NRXN3: variants seen among roughly 807,000 people sequenced by gnomAD.
NRXN3 encodes the protein neurexin III.
A neutral mutation model predicts 137.6 loss-of-function variants in NRXN3; 32 were observed. The ratio of observed to expected loss-of-function variants is 0.23; its 90% confidence interval spans 0.18 to 0.31. NRXN3 has a LOEUF of 0.31. Ranked by LOEUF, NRXN3 falls within the 10% of genes least tolerant of loss-of-function variation. The probability of loss-of-function intolerance (pLI) is 1.00; values close to 1 mark genes in which losing one functional copy is unlikely to be tolerated. For synonymous variants in NRXN3, 798 were observed against 784.5 expected (o/e 1.02, Z -0.29); for missense variants, 1,574 against 2,062.5 (o/e 0.76, Z 4.59).
intron 10 of NRXN3, among the ~76,000 whole-genome samples, chr14:78,814,475 T>TGTG: frequency 6.6e-6 from 1 of 151,818 alleles, no homozygotes; most frequent in Non-Finnish European, 1.5e-5. Context: ...ATTAGCCGGG[T>TGTG]GTGGTGGTGT....
intron 10 of NRXN3, among the ~76,000 whole-genome samples, chr14:78,845,068 A>C (rs899003146): frequency 6.6e-6 from 1 of 152,072 alleles, no homozygotes; most frequent in Non-Finnish European, 1.5e-5. Context: ...GCCTGAAAAA[A>C]AAACTGTTGC....
At chr14:78,800,304 T>C (rs927952172) in intron 8 of NRXN3, among the ~76,000 whole-genome samples, 19 of 152,204 alleles carry the variant, frequency 1.2e-4, no homozygotes, top group Non-Finnish European at 2.6e-4. Context: ...GATAATAAAG[T>C]CTTCATGGTG....
intron 1 of NRXN3, among the ~76,000 whole-genome samples, chr14:78,208,318 C>G (rs968011909): frequency 4.6e-5 from 7 of 152,186 alleles, no homozygotes; most frequent in Admixed American, 2.6e-4. Flanking sequence ...TCTCCAAGCT[C>G]AAGTTCTCTA....
chr14:78,718,245 C>T (rs2098443360), intron 8 of NRXN3, among the ~76,000 whole-genome samples: 1 of 152,120 alleles, frequency 6.6e-6, no homozygotes, highest in South Asian at 2.1e-4. Flanking sequence ...GGCTGTGTGT[C>T]CCAGTAGCTC....
intron 6 of NRXN3, among the ~76,000 whole-genome samples, chr14:78,696,678 G>A (rs2098229347): frequency 1.3e-5 from 2 of 152,002 alleles, no homozygotes; most frequent in African/African-American, 4.8e-5. Context: ...AGGTCACCTT[G>A]GAAAGTTCTG....
At chr14:79,742,869 T>C (rs2098967464) in intron 19 of NRXN3, among the ~76,000 whole-genome samples, 1 of 152,224 alleles carries the variant, frequency 6.6e-6, no homozygotes, top group African/African-American at 2.4e-5. Flanking sequence ...ATTCCCAATA[T>C]GTAAATGCCC....
chr14:79,739,164 C>T (rs983830941), intron 19 of NRXN3, among the ~76,000 whole-genome samples: 9 of 152,108 alleles, frequency 5.9e-5, no homozygotes, highest in African/African-American at 1.9e-4. Context: ...GAAATGAAGG[C>T]ACGTGGGTGT....
At chr14:78,661,125 T>C (rs2097837601) in intron 6 of NRXN3, among the ~76,000 whole-genome samples, 1 of 152,208 alleles carries the variant, frequency 6.6e-6, no homozygotes, top group Admixed American at 6.5e-5. Context: ...AACAATGAAC[T>C]TATGAGTTGA....
At chr14:78,938,804 C>T (rs990382666) in intron 10 of NRXN3, among the ~76,000 whole-genome samples, 3 of 150,806 alleles carry the variant, frequency 2.0e-5, no homozygotes. Flanking sequence ...AGACCCACTC[C>T]CCAGCCATGT....
intron 4 of NRXN3, among the ~76,000 whole-genome samples, chr14:78,349,392 T>C (rs1190025449): frequency 1.3e-5 from 2 of 152,328 alleles, no homozygotes; most frequent in East Asian, 3.9e-4. Flanking sequence ...GCTCCAGCCT[T>C]CAGTGCCTAT....
chr14:79,704,470 C>T (rs1233862846), intron 19 of NRXN3, among the ~76,000 whole-genome samples: 1 of 151,464 alleles, frequency 6.6e-6, no homozygotes, highest in East Asian at 2.0e-4. Context: ...CTGCTGCCAC[C>T]AGCTTGAGAG....
intron 16 of NRXN3, among the ~76,000 whole-genome samples, chr14:79,590,822 C>T (rs1026693120): frequency 5.9e-5 from 9 of 152,178 alleles, no homozygotes; most frequent in Admixed American, 3.3e-4. Flanking sequence ...ATCACCTGGG[C>T]TAAGAAGTTC....
intron 4 of NRXN3, among the ~76,000 whole-genome samples, chr14:78,343,665 A>C (rs2082384177): frequency 6.6e-6 from 1 of 152,172 alleles, no homozygotes; most frequent in African/African-American, 2.4e-5. Flanking sequence ...GTCTCAATTA[A>C]AAATCTGGTG....
chr14:79,504,216 G>A (rs931286542), intron 16 of NRXN3, among the ~76,000 whole-genome samples: 5 of 152,134 alleles, frequency 3.3e-5, no homozygotes, highest in Non-Finnish European at 7.4e-5. Context: ...ACAAATGGTT[G>A]CATTCATCTC....
intron 15 of NRXN3, among the ~76,000 whole-genome samples, chr14:79,301,773 C>T (rs537389826): frequency 2.6e-5 from 4 of 151,714 alleles, no homozygotes; most frequent in African/African-American, 7.2e-5. Context: ...ATGACAACTA[C>T]GTGGCTCCTC....
chr14:79,720,535 T>C (rs984114211), intron 19 of NRXN3, among the ~76,000 whole-genome samples: 1 of 152,094 alleles, frequency 6.6e-6, no homozygotes, highest in African/African-American at 2.4e-5. Flanking sequence ...CAATCAGCGG[T>C]TGGCTTCCTA....
chr14:78,541,468 G>C (rs754259803), intron 4 of NRXN3, among the ~76,000 whole-genome samples: 2 of 152,248 alleles, frequency 1.3e-5, no homozygotes, highest in Middle Eastern at 3.4e-3. Context: ...GCTCCATCAG[G>C]TCATTTAAGG....
chr14:78,517,160 T>G (rs2096220493), intron 4 of NRXN3, among the ~76,000 whole-genome samples: 1 of 152,176 alleles, frequency 6.6e-6, no homozygotes, highest in African/African-American at 2.4e-5. Context: ...GTTTTCTTTC[T>G]CATGGGGTGA....
intron 15 of NRXN3, among the ~76,000 whole-genome samples, chr14:79,014,728 C>G (rs1322112023): frequency 6.6e-6 from 1 of 152,198 alleles, no homozygotes; most frequent in Non-Finnish European, 1.5e-5. Context: ...AGAAAATACT[C>G]TGGCTTGTTG....
Sources: gnomAD v4.1 joint callset for allele counts (sites outside exome capture counted in the v4.1 genomes callset) on GRCh38, gnomAD v4.1.1 for gene constraint, MANE v1.5 for transcripts, NCBI Gene and HGNC (gene_info 2026-07-23, HGNC 2026-07-21) for gene names.